Variants in SAMSN1 observed in about 807,000 individuals in gnomAD.
SAMSN1 encodes the protein SAM domain-containing protein SAMSN-1.
In SAMSN1, 31 loss-of-function variants were observed where a neutral mutation model predicts 42.0. That is an observed-to-expected ratio of 0.74 (90% CI 0.55 to 1.00). The LOEUF (loss-of-function observed/expected upper bound fraction) is 1.00, where lower values mean the gene tolerates loss of function less well. SAMSN1 is among the 50% of genes least tolerant of loss of function. The pLI is 0.00. For synonymous variants in SAMSN1, 178 were observed against 151.9 expected, an observed-to-expected ratio of 1.17 and a Z score of -1.26; for missense variants, 464 against 439.4, an observed-to-expected ratio of 1.06 and a Z score of -0.50.
chr21:14,489,038 G>C (rs1385281876), intron 7 of SAMSN1, among the ~76,000 whole-genome samples: 3 of 152,182 alleles, frequency 2.0e-5, no homozygotes, highest in Non-Finnish European at 4.4e-5. Flanking sequence ...CACAAACCTA[G>C]GTCTTGTGTT....
intron 1 of SAMSN1, among the ~76,000 whole-genome samples, chr21:14,521,585 G>A (rs1041479537): frequency 1.3e-5 from 2 of 152,148 alleles, no homozygotes; most frequent in Non-Finnish European, 2.9e-5. Context: ...TTAACAGCAT[G>A]TAGTACTAAC....
At chr21:14,529,029 C>T (rs1193882907) in intron 1 of SAMSN1, among the ~76,000 whole-genome samples, 2 of 152,308 alleles carry the variant, frequency 1.3e-5, no homozygotes, top group Middle Eastern at 3.4e-3. Context: ...AGCTCATACT[C>T]AGCATTCAGT....
chr21:14,585,454 G>A (rs1362748287), upstream of SAMSN1: 13 of 152,126 alleles, frequency 8.5e-5, no homozygotes, highest in Non-Finnish European at 1.6e-4. Context: ...GTGGAGAAAG[G>A]TATTATATAC....
At chr21:14,627,191 G>A (rs1483692741) in intron 2 of SAMSN1, among the ~76,000 whole-genome samples, 1 of 152,036 alleles carries the variant, frequency 6.6e-6, no homozygotes, top group African/African-American at 2.4e-5. Context: ...ATGAGTTAAT[G>A]GGTGCAGCAC....
At chr21:14,615,633 T>C (rs767693223) in intron 3 of SAMSN1, among the ~76,000 whole-genome samples, 1 of 152,216 alleles carries the variant, frequency 6.6e-6, no homozygotes, top group Non-Finnish European at 1.5e-5. Flanking sequence ...AACACATTTT[T>C]ATGTGGATTA....
chr21:14,494,480 T>C (rs1986827156), intron 7 of SAMSN1, among the ~76,000 whole-genome samples: 1 of 152,096 alleles, frequency 6.6e-6, no homozygotes, highest in Admixed American at 6.6e-5. Context: ...AAACACATGT[T>C]CTCACTCACA....
chr21:14,544,549 A>G (rs1197096803), intron 1 of SAMSN1, among the ~76,000 whole-genome samples: 2 of 152,244 alleles, frequency 1.3e-5, no homozygotes, highest in Non-Finnish European at 2.9e-5. Flanking sequence ...TTCATGCAGA[A>G]TGAAACCATC....
intron 1 of SAMSN1, among the ~76,000 whole-genome samples, chr21:14,534,426 C>T (rs1979465581): frequency 6.6e-6 from 1 of 151,964 alleles, no homozygotes; most frequent in South Asian, 2.1e-4. Flanking sequence ...GGAGCACATA[C>T]TGAAAAACTG....
chr21:14,537,085 A>G (rs1054534888), intron 1 of SAMSN1, among the ~76,000 whole-genome samples: 2 of 152,194 alleles, frequency 1.3e-5, no homozygotes, highest in Non-Finnish European at 2.9e-5. Context: ...TCACTTCTCA[A>G]ACATCTTTCA....
upstream of SAMSN1, among the ~76,000 whole-genome samples, chr21:14,549,636 GGTT>G (rs1387021331): frequency 1.3e-5 from 2 of 152,020 alleles, no homozygotes; most frequent in African/African-American, 4.8e-5. Flanking sequence ...AGCAAAATAA[GGTT>G]GTCATCACAG....
At chr21:14,501,741 C>A (rs1987163960) in intron 5 of SAMSN1, among the ~76,000 whole-genome samples, 1 of 152,098 alleles carries the variant, frequency 6.6e-6, no homozygotes, top group East Asian at 1.9e-4. Context: ...CTACTTAATT[C>A]TTTTTAAGGT....
intron 1 of SAMSN1, among the ~76,000 whole-genome samples, chr21:14,544,300 C>A (rs1980244463): frequency 6.6e-6 from 1 of 152,206 alleles, no homozygotes; most frequent in Non-Finnish European, 1.5e-5. Context: ...ATTTACGCAC[C>A]TCGGCCCTGC....
intron 2 of SAMSN1, among the ~76,000 whole-genome samples, chr21:14,554,307 A>G (rs1259652398): frequency 7.2e-5 from 11 of 152,132 alleles, no homozygotes; most frequent in Non-Finnish European, 4.4e-5. Flanking sequence ...CCTTTCCATA[A>G]AGTGCACATG....
At chr21:14,608,167 A>G (rs1276346597) in intron 5 of SAMSN1, among the ~76,000 whole-genome samples, 1 of 152,222 alleles carries the variant, frequency 6.6e-6, no homozygotes, top group African/African-American at 2.4e-5. Context: ...GAGTGATCAC[A>G]ATACCTGGTT....
Position 14,553,026 on chromosome 21 carries a change from T to C in SAMSN1, c.261+29110A>G, listed in dbSNP as rs189485356. On this transcript the variant is annotated intron_variant, in intron 2 of 8. Transcript: ENST00000285670. ...TCCTAGACTTCCTATTTCAACTCTT[T>C]TTCTGATCCTTCCAATATTTAAAAA... Among the ~76,000 whole-genome samples the C allele has an allele frequency of 4.5e-4, 69 of 152,198 alleles. No homozygotes were observed. In the Middle Eastern group the frequency reaches 0.01, roughly 23 times the overall value.
intron 6 of SAMSN1, among the ~76,000 whole-genome samples, chr21:14,598,466 G>C (rs1982334755): frequency 6.6e-6 from 1 of 152,112 alleles, no homozygotes; most frequent in African/African-American, 2.4e-5. Flanking sequence ...CTTTATAGTT[G>C]GTGTATGATC....
intron 5 of SAMSN1, among the ~76,000 whole-genome samples, chr21:14,506,588 A>G: frequency 6.6e-6 from 1 of 152,236 alleles, no homozygotes; most frequent in Middle Eastern, 3.2e-3. Flanking sequence ...GACCAGACCT[A>G]TTCACAGCAG....
At chr21:14,583,379 G>A (rs1323819901) in exon 1 of SAMSN1, 2 of 318,392 alleles carry the variant, frequency 6.3e-6, no homozygotes, top group Admixed American at 4.8e-5. Context: ...AAGGAATGGC[G>A]ACAGTGGACA....
At chr21:14,629,552 T>A (rs1438498398) in intron 2 of SAMSN1, among the ~76,000 whole-genome samples, 1 of 152,226 alleles carries the variant, frequency 6.6e-6, no homozygotes, top group African/African-American at 2.4e-5. Context: ...GTCCAGCTCC[T>A]GTCTTCAAGA....
Sources: allele counts gnomAD v4.1 joint callset (sites outside exome capture counted in the v4.1 genomes callset), GRCh38; gene constraint gnomAD v4.1.1; transcripts MANE v1.5; gene names NCBI Gene and HGNC (gene_info 2026-07-23, HGNC 2026-07-21).